The following GABRB2 variants were observed in gnomAD, a reference collection of about 807,000 sequenced individuals.
GABRB2 encodes the protein gamma-aminobutyric acid receptor subunit beta-2.
A neutral mutation model predicts 54.7 loss-of-function variants in GABRB2; 16 were observed. The ratio of observed to expected loss-of-function variants is 0.29; its 90% CI spans 0.20 to 0.44. GABRB2 has a LOEUF of 0.44. GABRB2 is among the 20% of genes least tolerant of loss of function. GABRB2 has a pLI of 1.00. For missense variants in GABRB2, 355 were observed against 644.0 expected (o/e 0.55, Z 4.86); for synonymous variants, 244 against 233.8 (o/e 1.04, Z -0.40).
intron 5 of GABRB2, among the ~76,000 whole-genome samples, chr5:161,403,074 G>T (rs978464187): frequency 2.6e-5 from 4 of 152,092 alleles, no homozygotes; most frequent in Non-Finnish European, 5.9e-5. Flanking sequence ...CTGCCAGACT[G>T]GTTCTCTTTC....
chr5:161,538,469 G>C (rs1485577920), intron 3 of GABRB2, among the ~76,000 whole-genome samples: 1 of 152,196 alleles, frequency 6.6e-6, no homozygotes, highest in African/African-American at 2.4e-5. Context: ...AAGTCTTACA[G>C]AAAAGGAAAG....
intron 5 of GABRB2, among the ~76,000 whole-genome samples, chr5:161,337,280 A>G (rs1471324835): frequency 2.0e-5 from 3 of 152,204 alleles, no homozygotes; most frequent in Admixed American, 1.3e-4. Context: ...TATGAATTAC[A>G]ATACATTTGA....
Position 161,291,163 on chromosome 5 carries a change from G to T in GABRB2, c.*2918C>A, listed in dbSNP as rs1226176524. ...TATATATATACAGATTGAGATCAAA[G>T]ATTTCATGTAGACTGTGCATTTTAG... On this transcript the variant is annotated 3_prime_UTR_variant, in exon 10 of 10. Transcript: ENST00000393959. The T allele has an allele frequency of 2.6e-5, 4 of 152,550 alleles. No homozygotes were observed. The highest frequency in any genetic ancestry group is 4.8e-5 in the African/African-American group (2 of 41,516). 9.4% of individuals were successfully genotyped at this position (152,550 alleles called of 1,614,324 possible). A position where few individuals can be genotyped will look rare whatever the true frequency, so the allele number is the denominator to read the frequency against.
At chr5:161,347,863 C>T (rs1702110405) in intron 5 of GABRB2, among the ~76,000 whole-genome samples, 1 of 152,012 alleles carries the variant, frequency 6.6e-6, no homozygotes, top group African/African-American at 2.4e-5. Context: ...ATTTTTTTCC[C>T]CATTCATTGA....
At chr5:161,522,243 T>C (rs928531464) in intron 3 of GABRB2, among the ~76,000 whole-genome samples, 41 of 151,810 alleles carry the variant, frequency 2.7e-4, no homozygotes, top group Non-Finnish European at 3.1e-4. Context: ...GAAATAAAAC[T>C]ACCTCTGGAA....
At chr5:161,315,949 G>A (rs253017) in intron 9 of GABRB2, among the ~76,000 whole-genome samples, 64,889 of 152,040 alleles carry the variant, frequency 0.43, 16,051 homozygotes, top group African/African-American at 0.67. Context: ...TATTTCCAAA[G>A]GGAAACTTGT....
chr5:161,364,765 A>G (rs548065595), intron 5 of GABRB2, among the ~76,000 whole-genome samples: 2 of 152,302 alleles, frequency 1.3e-5, no homozygotes, highest in South Asian at 2.1e-4. Flanking sequence ...AGTCACTGTA[A>G]TTATTACATG....
chr5:161,453,993 G>A (rs1486473031), intron 4 of GABRB2, among the ~76,000 whole-genome samples: 1 of 148,556 alleles, frequency 6.7e-6, no homozygotes, highest in Non-Finnish European at 1.5e-5. Flanking sequence ...AGCCGAGATT[G>A]CACTACTGCA....
intron 4 of GABRB2, among the ~76,000 whole-genome samples, chr5:161,425,863 T>C (rs1419166842): frequency 6.6e-6 from 1 of 152,106 alleles, no homozygotes; most frequent in Non-Finnish European, 1.5e-5. Context: ...AAATATAATA[T>C]GTGATGAGGA....
rs753338867 is a variant in GABRB2, at chr5:161,294,110, T to C, written c.1510A>G (p.Ile504Val). The change falls in exon 10 of 10, where the codon ATC becomes GTC. Residue 504 changes from isoleucine to valine, a missense_variant. By Grantham distance (29) the Ile-to-Val change is conservative. Coordinates refer to ENST00000393959, the MANE Select transcript of GABRB2 (RefSeq NM_001371727.1). ...TTCACATAATAAAGCCAATAGACGA[T>C]GTTGAAGAAGGAAAAAACCACTGGG... ...FFPVVFSFFN[I>V]VYWLYYVN 8.1e-6 allele frequency: 13 copies of C among 1,613,366 alleles called. No individual in the cohort carries two copies. Among genetic ancestry groups the C allele is most frequent in the Non-Finnish European group, 1.1e-5 (13 of 1,179,508 alleles).
intron 4 of GABRB2, among the ~76,000 whole-genome samples, chr5:161,438,051 C>A (rs1757360284): frequency 6.6e-6 from 1 of 152,152 alleles, no homozygotes; most frequent in Non-Finnish European, 1.5e-5. Context: ...TTGAATGAAC[C>A]AAGGCAGAAG....
chr5:161,470,884 G>T (rs1226898664), intron 3 of GABRB2, among the ~76,000 whole-genome samples: 2 of 151,908 alleles, frequency 1.3e-5, no homozygotes, highest in African/African-American at 2.4e-5. Flanking sequence ...AGTGATCCAG[G>T]CGTCTTATCT....
chr5:161,491,072 AACTAAT>A (rs1759081544), intron 3 of GABRB2, among the ~76,000 whole-genome samples: 2 of 151,816 alleles, frequency 1.3e-5, no homozygotes, highest in South Asian at 4.1e-4. Context: ...TATAAAATTA[AACTAAT>A]ACTTACCAAA....
At chr5:161,450,832 T>C (rs1021665290) in intron 4 of GABRB2, among the ~76,000 whole-genome samples, 2 of 152,136 alleles carry the variant, frequency 1.3e-5, no homozygotes, top group Non-Finnish European at 2.9e-5. Context: ...TTTAAAGAGG[T>C]TGCATTCTAT....
intron 5 of GABRB2, among the ~76,000 whole-genome samples, chr5:161,388,105 C>A (rs577662488): frequency 1.3e-5 from 2 of 152,208 alleles, no homozygotes; most frequent in South Asian, 2.1e-4. Flanking sequence ...AATTTGCTGA[C>A]TATAATTCCA....
At chr5:161,475,803 A>T (rs1295909687) in intron 3 of GABRB2, among the ~76,000 whole-genome samples, 1 of 133,752 alleles carries the variant, frequency 7.5e-6, no homozygotes, top group Non-Finnish European at 1.7e-5. Flanking sequence ...AAACTACCTC[A>T]ACATAATAAA....
At chr5:161,396,134 C>T (rs1768726474) in intron 5 of GABRB2, among the ~76,000 whole-genome samples, 1 of 152,110 alleles carries the variant, frequency 6.6e-6, no homozygotes, top group Non-Finnish European at 1.5e-5. Flanking sequence ...CTTATAGCTG[C>T]ACACAATGGT....
chr5:161,322,999 T>A (rs1282562474), intron 9 of GABRB2, among the ~76,000 whole-genome samples: 2 of 152,020 alleles, frequency 1.3e-5, no homozygotes, highest in East Asian at 1.9e-4. Context: ...AAATACTTTT[T>A]AATACATTTT....
At chr5:161,522,382 G>A (rs1760141214) in intron 3 of GABRB2, among the ~76,000 whole-genome samples, 1 of 151,714 alleles carries the variant, frequency 6.6e-6, no homozygotes, top group Admixed American at 6.6e-5. Flanking sequence ...TACCTTGGGA[G>A]GATTATACCT....
Sources: allele counts gnomAD v4.1 joint callset (sites outside exome capture counted in the v4.1 genomes callset), GRCh38; gene constraint gnomAD v4.1.1; transcripts MANE v1.5; gene names NCBI Gene and HGNC (gene_info 2026-07-23, HGNC 2026-07-21).